FGF14: variants seen among roughly 807,000 people sequenced by gnomAD.
FGF14 encodes the protein fibroblast growth factor homologous factor 4.
FGF14 carries 5 observed loss-of-function variants against 25.5 expected under a neutral mutation model. The ratio of observed to expected loss-of-function variants is 0.20; its 90% CI spans 0.10 to 0.41. The LOEUF (loss-of-function observed/expected upper bound fraction) is 0.41. FGF14 is among the 10% of genes least tolerant of loss of function. The pLI is 1.00. For missense variants in FGF14, 222 were observed against 320.1 expected (o/e 0.69, Z 2.34); for synonymous variants, 138 against 118.3 (o/e 1.17, Z -1.08).
rs117293326 is a variant in FGF14, at chr13:101,749,937, G to C, written c.409-23127C>G. ...TAATGGTATTTGAAGGTGGGGCTTT[G>C]GAAGGTGGTTAGGCCATGAGGATGA... On this transcript the variant is annotated intron_variant, in intron 3 of 4. Coordinates refer to ENST00000376143, the MANE Select transcript of FGF14 (RefSeq NM_004115.4). Among the ~76,000 whole-genome samples, 4 of 152,160 alleles carry C rather than the reference G, an allele frequency of 2.6e-5. No individual in the cohort carries two copies. In the East Asian group the frequency reaches 7.7e-4, roughly 29 times the overall value.
At chr13:102,276,243 A>T (rs1229915885) in intron 1 of FGF14, among the ~76,000 whole-genome samples, 3 of 148,792 alleles carry the variant, frequency 2.0e-5, no homozygotes, top group African/African-American at 7.4e-5. Context: ...TGCCTTAACT[A>T]CTGAATAATA....
intron 1 of FGF14, among the ~76,000 whole-genome samples, chr13:101,885,023 T>G (rs907591748): frequency 6.6e-6 from 1 of 152,138 alleles, no homozygotes; most frequent in African/African-American, 2.4e-5. Context: ...ATAAAATTGT[T>G]AAAAGAAAAC....
At chr13:101,730,403 T>G (rs578107427) in intron 3 of FGF14, among the ~76,000 whole-genome samples, 1 of 152,306 alleles carries the variant, frequency 6.6e-6, no homozygotes, top group Admixed American at 6.5e-5. Flanking sequence ...TATGACACAC[T>G]GACTTCTGAA....
At chr13:101,966,736 C>T (rs2037226614) in intron 1 of FGF14, among the ~76,000 whole-genome samples, 1 of 152,166 alleles carries the variant, frequency 6.6e-6, no homozygotes, top group Admixed American at 6.5e-5. Flanking sequence ...CCACCTCGGC[C>T]TCCCTAAGTG....
intron 1 of FGF14, among the ~76,000 whole-genome samples, chr13:102,112,705 A>G (rs1028670928): frequency 2.6e-5 from 4 of 152,224 alleles, no homozygotes; most frequent in Non-Finnish European, 5.9e-5. Context: ...ATGACAATAA[A>G]TTAATTTATC....
At chr13:102,181,364 T>C (rs974972614) in intron 1 of FGF14, among the ~76,000 whole-genome samples, 1 of 152,180 alleles carries the variant, frequency 6.6e-6, no homozygotes, top group Non-Finnish European at 1.5e-5. Context: ...TGGACTATTA[T>C]GGGTTGGACC....
At chr13:102,402,418 T>A (rs566058459), upstream of FGF14, 9 of 152,458 alleles carry the variant, frequency 5.9e-5, no homozygotes, top group African/African-American at 2.2e-4. Flanking sequence ...GCCTCGGATG[T>A]GAGTTACAGG....
At chr13:101,898,230 A>C (rs1295847455) in intron 1 of FGF14, among the ~76,000 whole-genome samples, 1 of 152,080 alleles carries the variant, frequency 6.6e-6, no homozygotes, top group Admixed American at 6.6e-5. Flanking sequence ...TCAAACAGTA[A>C]GAATAGTGCA....
At chr13:101,780,984 C>A (rs964000377) in intron 3 of FGF14, among the ~76,000 whole-genome samples, 3 of 152,116 alleles carry the variant, frequency 2.0e-5, no homozygotes, top group African/African-American at 7.2e-5. Context: ...CGTGCGCGTG[C>A]CTCATCAGCC....
intron 1 of FGF14, among the ~76,000 whole-genome samples, chr13:102,316,960 C>T (rs911682901): frequency 1.3e-5 from 2 of 151,452 alleles, no homozygotes; most frequent in Non-Finnish European, 2.9e-5. Context: ...CCTCATGATA[C>T]TCATGATACT....
chr13:102,348,973 G>C (rs1283717847), intron 1 of FGF14, among the ~76,000 whole-genome samples: 1 of 152,084 alleles, frequency 6.6e-6, no homozygotes, highest in Non-Finnish European at 1.5e-5. Flanking sequence ...GTTTTATCTA[G>C]ACCACTGGTT....
chr13:102,181,206 T>C (rs1022863052), intron 1 of FGF14, among the ~76,000 whole-genome samples: 7 of 152,266 alleles, frequency 4.6e-5, no homozygotes, highest in African/African-American at 1.7e-4. Context: ...AGATTTTCAG[T>C]GTTCTTATTA....
At chr13:102,015,133 C>G (rs973503064) in intron 1 of FGF14, among the ~76,000 whole-genome samples, 2 of 152,172 alleles carry the variant, frequency 1.3e-5, no homozygotes, top group African/African-American at 4.8e-5. Flanking sequence ...GTCTCAAACT[C>G]CTGACTTCAT....
At chr13:101,846,374 T>G (rs546957111) in intron 3 of FGF14, among the ~76,000 whole-genome samples, 1 of 152,112 alleles carries the variant, frequency 6.6e-6, no homozygotes, top group South Asian at 2.1e-4. Context: ...AATTACTTGG[T>G]AGCATGTCAG....
intron 1 of FGF14, among the ~76,000 whole-genome samples, chr13:102,378,665 C>T (rs116181464): frequency 0.011 from 1,596 of 149,766 alleles, 24 homozygotes; most frequent in African/African-American, 0.037. Flanking sequence ...TTAATCACTA[C>T]ATATTTAAAG....
intron 3 of FGF14, among the ~76,000 whole-genome samples, chr13:101,845,923 T>C (rs1308674548): frequency 3.9e-5 from 6 of 152,044 alleles, no homozygotes; most frequent in Admixed American, 2.6e-4. Context: ...GTCATATGTA[T>C]AGTGAACATA....
upstream of FGF14, among the ~76,000 whole-genome samples, chr13:101,920,845 A>G (rs2033949635): frequency 6.6e-6 from 1 of 152,240 alleles, no homozygotes; most frequent in South Asian, 2.1e-4. Flanking sequence ...GATTGATAAT[A>G]AAAACATTTC....
At chr13:101,835,942 C>T (rs2042903638) in intron 3 of FGF14, among the ~76,000 whole-genome samples, 1 of 151,970 alleles carries the variant, frequency 6.6e-6, no homozygotes, top group Non-Finnish European at 1.5e-5. Context: ...AAGTACAATG[C>T]AAAAGAGAGA....
intron 1 of FGF14, among the ~76,000 whole-genome samples, chr13:102,271,706 T>C (rs2053255299): frequency 6.6e-6 from 1 of 152,212 alleles, no homozygotes; most frequent in Admixed American, 6.5e-5. Context: ...CTGCAATAAA[T>C]GTTATGAATG....
Sources: allele counts gnomAD v4.1 joint callset (sites outside exome capture counted in the v4.1 genomes callset), GRCh38; gene constraint gnomAD v4.1.1; transcripts MANE v1.5; gene names NCBI Gene and HGNC (gene_info 2026-07-23, HGNC 2026-07-21).